Variants in NRIP1 observed in about 807,000 individuals in gnomAD.
The protein encoded by NRIP1 is nuclear receptor-interacting protein 1.
Under a neutral mutation model 75.0 loss-of-function variants are expected in NRIP1, and 28 were observed. That is an observed-to-expected ratio of 0.37 (90% CI 0.28 to 0.51). NRIP1 has a LOEUF of 0.51. Ranked by LOEUF, NRIP1 falls within the 20% of genes least tolerant of loss-of-function variation. NRIP1 has a pLI of 0.92. For synonymous variants in NRIP1, 526 were observed against 487.6 expected (o/e 1.08, Z -1.04); for missense variants, 1,435 against 1,343.7 (o/e 1.07, Z -1.06).
intron 3 of NRIP1, among the ~76,000 whole-genome samples, chr21:14,993,642 G>A (rs2087633678): frequency 6.6e-6 from 1 of 151,984 alleles, no homozygotes; most frequent in Non-Finnish European, 1.5e-5. Context: ...AAAAATAGCT[G>A]GGTGTGGTGG....
intron 3 of NRIP1, among the ~76,000 whole-genome samples, chr21:14,989,505 G>C (rs1180719736): frequency 2.6e-5 from 4 of 152,130 alleles, no homozygotes; most frequent in African/African-American, 9.7e-5. Flanking sequence ...TCCATAATCA[G>C]CTCCTTCCCT....
At chr21:15,038,951 A>G (rs1045294837) in intron 2 of NRIP1, among the ~76,000 whole-genome samples, 1 of 152,130 alleles carries the variant, frequency 6.6e-6, no homozygotes, top group African/African-American at 2.4e-5. Context: ...GAAAGATTAA[A>G]CAATAAATAA....
chr21:15,041,141 T>A (rs1019499933), intron 2 of NRIP1, among the ~76,000 whole-genome samples: 2 of 151,976 alleles, frequency 1.3e-5, no homozygotes, highest in African/African-American at 4.8e-5. Flanking sequence ...GGTATAATCA[T>A]AGAATAGAAC....
chr21:15,064,319 A>C (rs1298188527), intron 1 of NRIP1, among the ~76,000 whole-genome samples: 1 of 152,180 alleles, frequency 6.6e-6, no homozygotes, highest in African/African-American at 2.4e-5. Flanking sequence ...GGAGGCACCC[A>C]GGCGAAAGGC....
chr21:14,996,172 C>T (rs2087718777), intron 3 of NRIP1, among the ~76,000 whole-genome samples: 2 of 152,098 alleles, frequency 1.3e-5, no homozygotes, highest in African/African-American at 4.8e-5. Flanking sequence ...AATATGAAAT[C>T]ACTATAAAAT....
At chr21:15,030,080 G>A (rs2147250902) in intron 2 of NRIP1, among the ~76,000 whole-genome samples, 1 of 152,280 alleles carries the variant, frequency 6.6e-6, no homozygotes, top group South Asian at 2.1e-4. Flanking sequence ...GCTTAGGCAT[G>A]GGTATATGAT....
intron 3 of NRIP1, among the ~76,000 whole-genome samples, chr21:15,007,411 A>G (rs1258635972): frequency 6.6e-6 from 1 of 152,232 alleles, no homozygotes; most frequent in Non-Finnish European, 1.5e-5. Context: ...GTTATTTCAT[A>G]GCAACTTTAT....
intron 2 of NRIP1, among the ~76,000 whole-genome samples, chr21:15,039,109 C>T (rs943090979): frequency 3.3e-5 from 5 of 152,080 alleles, no homozygotes; most frequent in African/African-American, 4.8e-5. Flanking sequence ...ACTGAGAAGA[C>T]GCCTTTTCAG....
At chr21:15,014,545 C>T (rs1324559369) in intron 2 of NRIP1, 79 bp from the exon 3 acceptor site, 1 of 397,926 alleles carries the variant, frequency 2.5e-6, no homozygotes, top group Non-Finnish European at 4.4e-6. Context: ...TTCAACTTAT[C>T]CCATTACCTT....
rs545248971 is a variant in NRIP1 at position 14,965,005 on chromosome 21, T to C, written c.3188A>G (p.Lys1063Arg). The change falls in exon 4 of 4, where the codon AAA becomes AGA. Residue 1063 changes from lysine (K) to arginine (R), a missense_variant. Physicochemically the swap from Lys to Arg is conservative, Grantham distance 26 (BLOSUM62 2). Transcript: ENST00000318948. ...EYEKDSPRLT[K>R]TNPILYYMLQ... ...CATGTAATATAGTATTGGGTTGGTT[T>C]TGGTCAATCTTGGAGAGTCTTTTTC... 3.7e-6 allele frequency: 6 copies of C among 1,613,978 alleles called. No homozygotes were observed. In the South Asian group the frequency reaches 5.5e-5, roughly 15 times the overall value.
intron 2 of NRIP1, among the ~76,000 whole-genome samples, chr21:15,021,822 A>C (rs2088384114): frequency 6.6e-6 from 1 of 152,228 alleles, no homozygotes. Flanking sequence ...AGAGAAATGC[A>C]AATCAAAACC....
chr21:14,965,837 G>T lies in NRIP1; in HGVS notation c.2356C>A (p.Pro786Thr). 6.2e-7 allele frequency: 1 copy of T among 1,613,992 alleles called. No individual in the cohort carries two copies. The highest frequency in any genetic ancestry group is 8.5e-7 in the Non-Finnish European group (1 of 1,179,964). The change falls in exon 4 of 4, where the codon CCT (proline) becomes ACT (threonine). Residue 786 changes from proline (P) to threonine (T), a missense_variant. Transcript: ENST00000318948. The stretch of plus-strand genomic sequence containing the variant: ...GCAGGTGCGCTTCTCTGCACAGCAG[G>T]AGCCATACCCAAGAATGGGGCACTC... Reference protein sequence around the residue: ...AKSAPFLGMAPAVQRSAPALP... With the variant: ...AKSAPFLGMATAVQRSAPALP...
At chr21:15,003,687 G>C (rs555669369) in intron 3 of NRIP1, among the ~76,000 whole-genome samples, 2 of 152,202 alleles carry the variant, frequency 1.3e-5, no homozygotes. Flanking sequence ...AGGCAGGCTT[G>C]CTACAAGGGG....
At chr21:14,977,937 T>G (rs2087119424) in intron 3 of NRIP1, among the ~76,000 whole-genome samples, 1 of 152,172 alleles carries the variant, frequency 6.6e-6, no homozygotes. Flanking sequence ...TCATTTTAGG[T>G]GCAGATACTC....
chr21:15,005,424 T>A (rs569893095), intron 3 of NRIP1, among the ~76,000 whole-genome samples: 30 of 151,950 alleles, frequency 2.0e-4, no homozygotes, highest in Non-Finnish European at 4.1e-4. Context: ...CTAAAGGAAG[T>A]TGTTGGTTGG....
chr21:15,015,098 C>T (rs556171088), intron 2 of NRIP1, among the ~76,000 whole-genome samples: 26 of 152,246 alleles, frequency 1.7e-4, no homozygotes, highest in African/African-American at 5.3e-4. Context: ...ACAGAATACA[C>T]ACAACACATA....
At chr21:15,024,400 G>C (rs1004653109) in intron 2 of NRIP1, among the ~76,000 whole-genome samples, 28 of 152,080 alleles carry the variant, frequency 1.8e-4, no homozygotes, top group Non-Finnish European at 2.9e-4. Context: ...AAATTAGCTG[G>C]GTGTGGTGGC....
chr21:14,983,191 C>T (rs1054609334), intron 3 of NRIP1, among the ~76,000 whole-genome samples: 1 of 150,368 alleles, frequency 6.7e-6, no homozygotes, highest in Non-Finnish European at 1.5e-5. Flanking sequence ...CCTCTTGCAC[C>T]AGTTAACCAA....
chr21:15,056,077 T>G (rs1600937946), intron 1 of NRIP1, among the ~76,000 whole-genome samples: 1 of 152,090 alleles, frequency 6.6e-6, no homozygotes, highest in African/African-American at 2.4e-5. Flanking sequence ...ATTTTATTTA[T>G]AGTCTACACT....
Sources: gnomAD v4.1 joint callset for allele counts (sites outside exome capture counted in the v4.1 genomes callset) on GRCh38, gnomAD v4.1.1 for gene constraint, MANE v1.5 for transcripts, NCBI Gene and HGNC (gene_info 2026-07-23, HGNC 2026-07-21) for gene names.